The following DOCK10 variants were observed in gnomAD, a reference collection of about 807,000 sequenced individuals.
DOCK10 encodes dedicator of cytokinesis 10.
DOCK10 carries 145 observed loss-of-function variants against 280.1 expected under a neutral mutation model. The observed-to-expected ratio is 0.52, with a 90% CI of 0.45 to 0.59. The LOEUF is 0.59. Among genes scored for constraint, DOCK10 ranks in the 20% least tolerant of loss-of-function variants. The probability of loss-of-function intolerance (pLI) is 0.00; values close to 1 mark genes in which losing one functional copy is unlikely to be tolerated. For synonymous variants in DOCK10, 915 were observed against 942.2 expected (o/e 0.97, Z 0.53); for missense variants, 2,368 against 2,651.7 (o/e 0.89, Z 2.35).
Position 224,805,064 on chromosome 2 carries a change from A to G in DOCK10, c.4112T>C (p.Ile1371Thr). The change falls in exon 37 of 56, where the codon ATC becomes ACC. Residue 1371 changes from isoleucine to threonine, a missense_variant. Ile to Thr is a moderately conservative substitution (Grantham distance 89). Around this residue, in one of 2 missense-constraint regions of DOCK10, gnomAD observed 1,159 missense variants for 1,400.8 expected, o/e 0.83. Coordinates refer to ENST00000258390, the MANE Select transcript of DOCK10 (RefSeq NM_014689.3). This position sits in a 1 kb window ranked among gnomAD's most constrained non-coding sequence, Gnocchi z 4.3. ...PSPEVSDFFS[I>T]LDVCLQNFRY... Reference sequence around the variant, plus strand: ...CATCAACTCTAAAACTTACTCCAAGATGCTGAAGAAGTCGGACACCTCTGG... The same window carrying G: ...CATCAACTCTAAAACTTACTCCAAGGTGCTGAAGAAGTCGGACACCTCTGG... 1 of 1,608,144 alleles carries G rather than the reference A, an allele frequency of 6.2e-7. No individual in the cohort carries two copies. Among genetic ancestry groups the G allele is most frequent in the Non-Finnish European group, 8.5e-7 (1 of 1,177,520 alleles).
chr2:224,919,061 G>A (rs929083686), intron 2 of DOCK10, among the ~76,000 whole-genome samples: 2 of 149,462 alleles, frequency 1.3e-5, no homozygotes, highest in Non-Finnish European at 3.0e-5. Context: ...TCTGTGTGGT[G>A]TATGTGTGGT....
Position 224,970,269 on chromosome 2 carries a change from C to T in DOCK10, c.124-38601G>A, listed in dbSNP as rs1322098710. Among the ~76,000 whole-genome samples, 1 of 152,154 alleles carries T rather than the reference C, an allele frequency of 6.6e-6. No individual in the cohort carries two copies. The highest frequency in any genetic ancestry group is 1.5e-5 in the Non-Finnish European group (1 of 68,030). On this transcript the variant is annotated intron_variant, in intron 1 of 55. Coordinates refer to ENST00000258390, the MANE Select transcript of DOCK10 (RefSeq NM_014689.3). The surrounding 1 kb of genome is among the most constrained non-coding windows in gnomAD (Gnocchi z 4.6). ...TCATTTTACAGATTAAAAAGAGGTG[C>T]AGTCCCTCAGTGATCCAGGCACTGT...
At chr2:225,009,278 C>G (rs1280283901) in intron 1 of DOCK10, among the ~76,000 whole-genome samples, 1 of 151,934 alleles carries the variant, frequency 6.6e-6, no homozygotes, top group Non-Finnish European at 1.5e-5. Flanking sequence ...TTCTACCTAC[C>G]AAGAAAATCA....
rs1349456011 is a variant in DOCK10 at position 224,781,319 on chromosome 2, G to A, written c.5656-3035C>T. Reference sequence around the variant, plus strand: ...ACCTTTTTCTAAAGAGCTTGGAAATGTAAACCTGTTTTGTAAAATGAATAA... The same window carrying A: ...ACCTTTTTCTAAAGAGCTTGGAAATATAAACCTGTTTTGTAAAATGAATAA... On this transcript the variant is annotated intron_variant, in intron 50 of 55. Transcript: ENST00000258390. 2.6e-5 allele frequency among the ~76,000 whole-genome samples: 4 copies of A among 152,312 alleles called. No homozygotes were observed. The East Asian group carries it at 7.7e-4, about 29-fold the overall frequency.
chr2:224,862,422 A>G (rs1697568170), intron 14 of DOCK10: 2 of 372,630 alleles, frequency 5.4e-6, no homozygotes, highest in Non-Finnish European at 9.7e-6. Context: ...AACCCATAGC[A>G]TATCTGGTCA....
intron 50 of DOCK10, among the ~76,000 whole-genome samples, chr2:224,782,218 C>T (rs1461267131): frequency 2.6e-5 from 4 of 152,264 alleles, no homozygotes; most frequent in African/African-American, 7.2e-5. Flanking sequence ...TTCCATACTA[C>T]GCCTGCACCT....
intron 1 of DOCK10, among the ~76,000 whole-genome samples, chr2:225,001,344 C>A (rs1264401792): frequency 7.1e-6 from 1 of 141,486 alleles, no homozygotes; most frequent in Non-Finnish European, 1.5e-5. Context: ...GGCTGGAGTG[C>A]AGTGGCTTGA....
chr2:224,915,403 C>CT (rs1701249266), intron 3 of DOCK10, among the ~76,000 whole-genome samples: 1 of 151,978 alleles, frequency 6.6e-6, no homozygotes, highest in Non-Finnish European at 1.5e-5. Context: ...TGCATTTTTT[C>CT]TTTTTTCTAT....
intron 7 of DOCK10, among the ~76,000 whole-genome samples, chr2:224,882,861 C>T (rs1431375833): frequency 6.6e-6 from 1 of 152,166 alleles, no homozygotes; most frequent in East Asian, 1.9e-4. Context: ...CACTCAAATT[C>T]TCTCCAGATG....
intron 1 of DOCK10, among the ~76,000 whole-genome samples, chr2:224,980,271 C>G (rs1705676290): frequency 6.6e-6 from 1 of 152,162 alleles, no homozygotes; most frequent in Non-Finnish European, 1.5e-5. Context: ...GTCAAGAGCT[C>G]AAGGATTTGC....
intron 1 of DOCK10, among the ~76,000 whole-genome samples, chr2:224,946,652 C>T (rs562741920): frequency 3.3e-5 from 5 of 152,168 alleles, no homozygotes; most frequent in African/African-American, 4.8e-5. Flanking sequence ...GAGTTACATG[C>T]GGTTTGAGAA....
At chr2:224,939,816 G>GTTGACAA (rs1702913969) in intron 1 of DOCK10, among the ~76,000 whole-genome samples, 1 of 152,146 alleles carries the variant, frequency 6.6e-6, no homozygotes, top group Admixed American at 6.5e-5. Flanking sequence ...GTCAACAATA[G>GTTGACAA]GCATTTTATA....
At chr2:224,960,241 C>T (rs1399280688) in intron 1 of DOCK10, among the ~76,000 whole-genome samples, 2 of 152,140 alleles carry the variant, frequency 1.3e-5, no homozygotes, top group Admixed American at 6.5e-5. Context: ...TTACTGAGGC[C>T]TCTTGCTTAG....
chr2:224,941,778 A>G (rs974991335), intron 1 of DOCK10, among the ~76,000 whole-genome samples: 1 of 149,856 alleles, frequency 6.7e-6, no homozygotes, highest in African/African-American at 2.5e-5. Flanking sequence ...CGGGAGGCAG[A>G]GGTTGCAGTG....
rs551668102 is a variant in DOCK10 at position 224,829,458 on chromosome 2, CTG to C, written c.3036+1081_3036+1082del. ...AAAAGAGTAAATCAAAATAATATAA[CTG>C]TACACCACCAACCCCACCTCATGCA... is the stretch of plus-strand genomic sequence containing the variant. On this transcript the variant is annotated intron_variant, in intron 27 of 55. Transcript: ENST00000258390. 3.2e-3 allele frequency among the ~76,000 whole-genome samples: 483 copies of C among 152,310 alleles called. 9 individuals are homozygous for C. The highest frequency in any genetic ancestry group is 0.011 in the African/African-American group (458 of 41,566).
chr2:224,858,953 A>G (rs927366040), intron 14 of DOCK10, among the ~76,000 whole-genome samples: 2 of 152,252 alleles, frequency 1.3e-5, no homozygotes, highest in Non-Finnish European at 2.9e-5. Flanking sequence ...CATGATGTGC[A>G]GAATGAAGCA....
intron 3 of DOCK10, among the ~76,000 whole-genome samples, chr2:224,915,683 C>A (rs776219437): frequency 6.6e-6 from 1 of 152,190 alleles, no homozygotes; most frequent in South Asian, 2.1e-4. Context: ...CAAGACTGAA[C>A]TTAGATTCCA....
At position 224,939,655 on chromosome 2, in the gene DOCK10, A is replaced by G. The variant is rs536147121; in HGVS notation, c.124-7987T>C. Among the ~76,000 whole-genome samples the G allele has an allele frequency of 3.3e-5, 5 of 152,358 alleles. No individual in the cohort carries two copies. The South Asian group carries it at 8.3e-4, about 25-fold the overall frequency. On this transcript the variant is annotated intron_variant, in intron 1 of 55. Transcript: ENST00000258390. ...GCCTTAGAGTAAACTGGAGAATTTT[A>G]GATTAATTTATATGAAGCCTGTGAT...
chr2:225,004,742 G>A (rs915422081), intron 1 of DOCK10, among the ~76,000 whole-genome samples: 20 of 152,340 alleles, frequency 1.3e-4, no homozygotes, highest in Non-Finnish European at 2.8e-4. Flanking sequence ...TGTGAAGAGT[G>A]TGCTGATGCA....
Sources: allele counts gnomAD v4.1 joint callset (sites outside exome capture counted in the v4.1 genomes callset), GRCh38; gene constraint gnomAD v4.1.1; regional missense constraint gnomAD v4.1.1; non-coding constraint Gnocchi (gnomAD v3.1); transcripts MANE v1.5; gene names NCBI Gene and HGNC (gene_info 2026-07-23, HGNC 2026-07-21).